ZNF484: variants seen among roughly 807,000 people sequenced by gnomAD.
ZNF484 encodes the protein zinc finger protein 484.
A neutral mutation model predicts 12.9 loss-of-function variants in ZNF484; 11 were observed. The ratio of observed to expected loss-of-function variants is 0.85; its 90% confidence interval spans 0.54 to 1.41. The LOEUF is 1.41. Among genes scored for constraint, ZNF484 ranks in the 40% most tolerant of loss-of-function variants. The pLI is 0.00. For missense variants in ZNF484, 807 were observed against 1,007.7 expected, an observed-to-expected ratio of 0.80 and a Z score of 2.70; for synonymous variants, 289 against 334.1, an observed-to-expected ratio of 0.86 and a Z score of 1.47.
In ZNF484 at chr9:92,846,976, C is replaced by A; in HGVS notation, c.1811G>T (p.Gly604Val). The A allele has an allele frequency of 6.2e-7, 1 of 1,614,114 alleles. No individual in the cohort carries two copies. Among genetic ancestry groups the A allele is most frequent in the African/African-American group, 1.3e-5 (1 of 75,036 alleles). Reference sequence around the variant, plus strand: ...AATACTGCATTCATAGGGTTTCTCTCCAGTATGAATTCTCTCATGTGTAAT... The same window carrying A: ...AATACTGCATTCATAGGGTTTCTCTACAGTATGAATTCTCTCATGTGTAAT... ...HFITHERIHT[G>V]EKPYECSICG... Residue 604 changes from glycine (G) to valine (V), a missense_variant, in exon 5 of 5, where the codon GGA becomes GTA. Gly to Val is a moderately radical substitution (Grantham distance 109). Transcript: ENST00000375495.
In ZNF484 at chr9:92,846,015, G is replaced by C. The variant is rs1445743129; in HGVS notation, c.*213C>G. The C allele has an allele frequency of 1.1e-5, 6 of 564,124 alleles. No homozygotes were observed. The highest frequency in any genetic ancestry group is 1.9e-5 in the Non-Finnish European group (6 of 323,688). The allele number at this position is 564,124 out of a possible 1,614,324, so 34.9% of individuals were successfully genotyped here. On this transcript the variant is annotated 3_prime_UTR_variant, in exon 5 of 5. Coordinates refer to ENST00000375495, the MANE Select transcript of ZNF484 (RefSeq NM_031486.4). ...TACCCAGAACATGAAAAACTCAACA[G>C]CCATGAATTTATAAAACTGTTTGCC...
Position 92,847,193 on chromosome 9 carries a change from A to G in ZNF484, c.1594T>C (p.Ser532Pro), listed in dbSNP as rs769552199. 3 of 1,613,554 alleles carry G rather than the reference A, an allele frequency of 1.9e-6. No individual in the cohort carries two copies. Among genetic ancestry groups the G allele is most frequent in the Non-Finnish European group, 2.5e-6 (3 of 1,179,904 alleles). Residue 532 changes from serine to proline, a missense_variant, in exon 5 of 5, where the codon TCA becomes CCA. Ser to Pro is a moderately conservative substitution (Grantham distance 74, BLOSUM62 -1). Coordinates refer to ENST00000375495, the MANE Select transcript of ZNF484 (RefSeq NM_031486.4). ...KPYKCSDCGK[S>P]FTWKSRLRIH... is the part of the protein sequence containing the mutation. The stretch of plus-strand genomic sequence containing the variant: ...CTGAGCCGAGACTTCCAGGTGAATG[A>G]TTTTCCACAGTCGCTGCATTTATAA...
At position 92,845,282 on chromosome 9, in the gene ZNF484, A is replaced by C. The variant is rs542219862; in HGVS notation, c.*946T>G. ...CACAGTTCTTTCAGTATTTGATAGAAGAAAAGACAAAAAAGTCTATTCAAA... is the reference window on the plus strand; with the variant it reads ...CACAGTTCTTTCAGTATTTGATAGACGAAAAGACAAAAAAGTCTATTCAAA... On this transcript the variant is annotated 3_prime_UTR_variant, in exon 5 of 5. Coordinates refer to ENST00000375495, the MANE Select transcript of ZNF484 (RefSeq NM_031486.4). The surrounding 1 kb of genome is among the most constrained non-coding windows in gnomAD (Gnocchi z 4.0). The C allele has an allele frequency of 1.1e-4, 16 of 152,334 alleles. No homozygotes were observed. The highest frequency in any genetic ancestry group is 3.4e-4 in the African/African-American group (14 of 41,586). 9.4% of individuals were successfully genotyped at this position (152,334 alleles called of 1,614,324 possible).
chr9:92,876,223 A>C (rs1857800043), intron 1 of ZNF484, among the ~76,000 whole-genome samples: 1 of 152,200 alleles, frequency 6.6e-6, no homozygotes, highest in African/African-American at 2.4e-5. Flanking sequence ...CATTCCTAAT[A>C]ATCTCAGGAA....
At chr9:92,873,439 C>G (rs989582711) in intron 2 of ZNF484, among the ~76,000 whole-genome samples, 2 of 151,484 alleles carry the variant, frequency 1.3e-5, no homozygotes, top group Non-Finnish European at 2.9e-5. Flanking sequence ...TCCTGAAAAA[C>G]ACACAAACTA....
intron 2 of ZNF484, among the ~76,000 whole-genome samples, chr9:92,867,154 A>T (rs1255103094): frequency 6.6e-6 from 1 of 152,140 alleles, no homozygotes; most frequent in East Asian, 1.9e-4. Flanking sequence ...GTTCGAGACC[A>T]GCCTGACTGG....
chr9:92,855,898 G>A lies in ZNF484; in HGVS notation c.148C>T (p.Gln50Ter), dbSNP rs1483629809. Residue 50 changes from glutamine (Q) to a stop codon, truncating the protein, a stop_gained, in exon 4 of 5, where the codon CAA (glutamine) becomes TAA (stop). Coordinates refer to ENST00000375495, the MANE Select transcript of ZNF484 (RefSeq NM_031486.4). LOFTEE classifies it high-confidence loss of function. ...AAGATGACTTCTGGTTTGGGAACTT[G>A]ACATCCTGTTAACAGGGGATGATAG... ...NYFNLISVGC[Q>*]VPKPEVIFSL... is the part of the protein sequence containing the mutation. 4.3e-6 allele frequency: 7 copies of A among 1,614,068 alleles called. No individual in the cohort carries two copies. Among genetic ancestry groups the A allele is most frequent in the Non-Finnish European group, 5.9e-6 (7 of 1,179,980 alleles).
chr9:92,874,980 G>A (rs1401166527), intron 2 of ZNF484, 35 bp downstream of exon 2: 1 of 1,609,218 alleles, frequency 6.2e-7, no homozygotes, highest in Admixed American at 1.7e-5. Flanking sequence ...GTAAAAGAAA[G>A]CAACAAATAA....
chr9:92,871,098 A>G (rs1443873464), intron 2 of ZNF484, among the ~76,000 whole-genome samples: 2 of 152,208 alleles, frequency 1.3e-5, no homozygotes, highest in Non-Finnish European at 2.9e-5. Flanking sequence ...GAAACAACCA[A>G]TCAACCGATA....
intron 2 of ZNF484, among the ~76,000 whole-genome samples, chr9:92,869,398 G>T (rs930361523): frequency 3.3e-5 from 5 of 149,958 alleles, no homozygotes; most frequent in Admixed American, 2.7e-4. Context: ...ATAATAAAAT[G>T]CAGCCTATTG....
At chr9:92,857,128 G>A (rs1856513544) in intron 2 of ZNF484, among the ~76,000 whole-genome samples, 1 of 152,192 alleles carries the variant, frequency 6.6e-6, no homozygotes, top group Non-Finnish European at 1.5e-5. Context: ...GCAGTCCAGT[G>A]CTTCCTTCAA....
At chr9:92,860,857 A>T (rs191642368) in intron 2 of ZNF484, among the ~76,000 whole-genome samples, 11 of 152,266 alleles carry the variant, frequency 7.2e-5, no homozygotes, top group African/African-American at 2.6e-4. Flanking sequence ...AGCAAAGAAG[A>T]AGTAGCTACC....
Position 92,848,117 on chromosome 9 carries a change from C to T in ZNF484, c.670G>A (p.Glu224Lys). Residue 224 changes from glutamate to lysine, a missense_variant, in exon 5 of 5, where the codon GAA becomes AAA. Glu to Lys is a moderately conservative substitution (Grantham distance 56). Coordinates refer to ENST00000375495, the MANE Select transcript of ZNF484 (RefSeq NM_031486.4). This position sits in a 1 kb window ranked among gnomAD's most constrained non-coding sequence, Gnocchi z 4.1. ...AGAGGTTTCCCACATTGGTTACATTCACAAGCAGTCACTTCTGTATGAGAA... is the reference window on the plus strand; with the variant it reads ...AGAGGTTTCCCACATTGGTTACATTTACAAGCAGTCACTTCTGTATGAGAA... ...LNSHTEVTACECNQCGKPLHH... is the reference protein window; with the variant it reads ...LNSHTEVTACKCNQCGKPLHH... 1.2e-6 allele frequency: 2 copies of T among 1,614,170 alleles called. No homozygotes were observed. The highest frequency in any genetic ancestry group is 1.7e-6 in the Non-Finnish European group (2 of 1,180,032).
chr9:92,867,034 C>A (rs62572374), intron 2 of ZNF484, among the ~76,000 whole-genome samples: 7,694 of 152,210 alleles, frequency 0.051, 239 homozygotes, highest in Middle Eastern at 0.065. Flanking sequence ...GGACAAATAG[C>A]AAATGCATGC....
intron 4 of ZNF484, among the ~76,000 whole-genome samples, chr9:92,852,059 A>T (rs1311582573): frequency 1.3e-5 from 2 of 152,230 alleles, no homozygotes; most frequent in African/African-American, 4.8e-5. Flanking sequence ...AATCTTTCTG[A>T]AATAGAGCAA....
intron 4 of ZNF484, among the ~76,000 whole-genome samples, chr9:92,849,117 C>T (rs924949114): frequency 4.6e-5 from 7 of 151,460 alleles, no homozygotes; most frequent in African/African-American, 1.5e-4. Flanking sequence ...CAAAATTAGC[C>T]GGACATGGTG....
intron 2 of ZNF484, among the ~76,000 whole-genome samples, chr9:92,873,323 A>T (rs1248340695): frequency 6.6e-6 from 1 of 152,202 alleles, no homozygotes; most frequent in East Asian, 1.9e-4. Context: ...TTTGTTGTTT[A>T]TTCCACCCAG....
chr9:92,871,417 T>C (rs1346692105), intron 2 of ZNF484, among the ~76,000 whole-genome samples: 1 of 151,904 alleles, frequency 6.6e-6, no homozygotes, highest in Non-Finnish European at 1.5e-5. Context: ...GAACAGAACC[T>C]CAGAGACATG....
chr9:92,875,115 C>T, intron 1 of ZNF484, 56 bp from the exon 2 acceptor site: 2 of 1,477,002 alleles, frequency 1.4e-6, no homozygotes, highest in Non-Finnish European at 1.9e-6. Context: ...GCCAATGTCA[C>T]ACATGGACAC....
Sources: gnomAD v4.1 joint callset for allele counts (sites outside exome capture counted in the v4.1 genomes callset) on GRCh38, gnomAD v4.1.1 for gene constraint, Gnocchi (gnomAD v3.1) non-coding constraint, MANE v1.5 for transcripts, NCBI Gene and HGNC (gene_info 2026-07-23, HGNC 2026-07-21) for gene names.